The following PRKCH variants were observed in gnomAD, a reference collection of about 807,000 sequenced individuals.
PRKCH encodes the protein protein kinase C eta type.
Under a neutral mutation model 82.5 loss-of-function variants are expected in PRKCH, and 28 were observed. That is an observed-to-expected ratio of 0.34 (90% confidence interval 0.25 to 0.47). The LOEUF (loss-of-function observed/expected upper bound fraction) is 0.47. PRKCH is among the 20% of genes least tolerant of loss of function. The pLI is 1.00. For synonymous variants in PRKCH, 322 were observed against 327.4 expected, an observed-to-expected ratio of 0.98 and a Z score of 0.18; for missense variants, 705 against 881.8, an observed-to-expected ratio of 0.80 and a Z score of 2.54.
At chr14:61,399,822 T>G (rs1881501421) in intron 2 of PRKCH, among the ~76,000 whole-genome samples, 1 of 152,130 alleles carries the variant, frequency 6.6e-6, no homozygotes, top group African/African-American at 2.4e-5. Context: ...TACAAGTTTT[T>G]GGGGAAGGAA....
chr14:61,270,316 T>A (rs1323072247), intron 1 of PRKCH, among the ~76,000 whole-genome samples: 1 of 151,914 alleles, frequency 6.6e-6, no homozygotes, highest in Non-Finnish European at 1.5e-5. Context: ...AAACATTTTT[T>A]AAAAAGAAAA....
intron 9 of PRKCH, among the ~76,000 whole-genome samples, chr14:61,464,286 T>A (rs1346322597): frequency 6.6e-6 from 1 of 152,208 alleles, no homozygotes; most frequent in Non-Finnish European, 1.5e-5. Context: ...AATATCTCAT[T>A]GTGGTTTTAA....
chr14:61,405,340 A>G (rs1437285837), intron 2 of PRKCH, among the ~76,000 whole-genome samples: 1 of 152,152 alleles, frequency 6.6e-6, no homozygotes, highest in East Asian at 1.9e-4. Flanking sequence ...CTCATCAAAA[A>G]TAAAGTCAGA....
chr14:61,206,749 G>A (rs1346034313), intron 1 of PRKCH, among the ~76,000 whole-genome samples: 2 of 152,054 alleles, frequency 1.3e-5, no homozygotes, highest in Non-Finnish European at 2.9e-5. Flanking sequence ...CAGGAGGGGA[G>A]CAATGGGGAG....
chr14:61,533,563 G>A (rs1020324432), intron 12 of PRKCH, among the ~76,000 whole-genome samples: 9 of 152,228 alleles, frequency 5.9e-5, no homozygotes, highest in South Asian at 2.1e-4. Flanking sequence ...GAGCTGCCTG[G>A]GGGCAGATCT....
chr14:61,280,998 G>A lies in PRKCH; in HGVS notation c.-19+93330G>A. 1 of 1,540,424 alleles carries A rather than the reference G, an allele frequency of 6.5e-7. No individual in the cohort carries two copies. Among genetic ancestry groups the A allele is most frequent in the South Asian group, 1.2e-5 (1 of 83,226 alleles). On this transcript the variant is annotated intron_variant, in intron 1 of 3. Coordinates refer to the PRKCH transcript ENST00000555185. The surrounding 1 kb of genome is among the most constrained non-coding windows in gnomAD (Gnocchi z 5.0). Reference sequence around the variant, plus strand: ...CGTTGGAGGAGTAGTAGAGGCCCAGGCCCAGGCCGATGAAGGCCAGGCCCG... The same window carrying A: ...CGTTGGAGGAGTAGTAGAGGCCCAGACCCAGGCCGATGAAGGCCAGGCCCG...
chr14:61,391,398 A>C, intron 2 of PRKCH, 110 bp downstream of exon 2: 1 of 950,522 alleles, frequency 1.1e-6, no homozygotes, highest in Non-Finnish European at 1.5e-6. Context: ...AGAGATGCTT[A>C]AAAAATCACT....
At chr14:61,450,099 T>C (rs1183918321) in intron 5 of PRKCH, among the ~76,000 whole-genome samples, 1 of 152,182 alleles carries the variant, frequency 6.6e-6, no homozygotes, top group African/African-American at 2.4e-5. Context: ...AGTACACATA[T>C]AGGATTGCTA....
chr14:61,310,354 T>C (rs1029108242), intron 1 of PRKCH, among the ~76,000 whole-genome samples: 1 of 152,206 alleles, frequency 6.6e-6, no homozygotes, highest in Non-Finnish European at 1.5e-5. Flanking sequence ...AGGCATTCGG[T>C]AAGTACACCC....
intron 10 of PRKCH, among the ~76,000 whole-genome samples, chr14:61,494,337 GAGTA>G (rs889061716): frequency 1.7e-4 from 26 of 152,326 alleles, no homozygotes; most frequent in African/African-American, 6.3e-4. Context: ...TCATCATTTA[GAGTA>G]AGTATCCCCA....
At chr14:61,227,023 A>G (rs1351205373) in intron 1 of PRKCH, among the ~76,000 whole-genome samples, 1 of 152,190 alleles carries the variant, frequency 6.6e-6, no homozygotes, top group African/African-American at 2.4e-5. Flanking sequence ...GTCGCCATTA[A>G]CCACCTAAAT....
chr14:61,279,849 C>T (rs577394223), intron 1 of PRKCH: 4 of 522,376 alleles, frequency 7.7e-6, no homozygotes, highest in African/African-American at 1.9e-5. Flanking sequence ...AACTCAGTGT[C>T]GTGAAGGAGG....
intron 1 of PRKCH, among the ~76,000 whole-genome samples, chr14:61,204,763 G>GAAA (rs67978354): frequency 5.6e-5 from 6 of 106,220 alleles, no homozygotes; most frequent in East Asian, 2.6e-4. Context: ...CCTTTCTCAA[G>GAAA]AAAAAAAAAA....
In PRKCH at chr14:61,238,232, T is replaced by A. The variant is rs371627031; in HGVS notation, c.-19+50564T>A. 9.2e-5 allele frequency among the ~76,000 whole-genome samples: 14 copies of A among 152,280 alleles called. No homozygotes were observed. In the East Asian group the frequency reaches 1.7e-3, roughly 19 times the overall value. On this transcript the variant is annotated intron_variant, in intron 1 of 3. Transcript: ENST00000555185. ...AGACAGGTTTTGAAATCACAGTACA[T>A]TGGGTTCCTGTGTCAAGGAGCCCTG... is the stretch of plus-strand genomic sequence containing the variant.
chr14:61,472,315 C>T (rs754259552), intron 9 of PRKCH, among the ~76,000 whole-genome samples: 13 of 152,344 alleles, frequency 8.5e-5, no homozygotes, highest in Non-Finnish European at 1.6e-4. Context: ...TTAATAATTA[C>T]ACTTTCACTT....
chr14:61,334,102 C>G (rs932202262), intron 1 of PRKCH, among the ~76,000 whole-genome samples: 1 of 152,176 alleles, frequency 6.6e-6, no homozygotes, highest in Non-Finnish European at 1.5e-5. Context: ...GAGAATCCAG[C>G]TCTCTAGACT....
chr14:61,399,409 A>G (rs1341543536), intron 2 of PRKCH, among the ~76,000 whole-genome samples: 2 of 152,200 alleles, frequency 1.3e-5, no homozygotes, highest in Non-Finnish European at 1.5e-5. Flanking sequence ...TTTAATGTAT[A>G]TGTTTTATCC....
At chr14:61,490,719 G>A (rs931662789) in intron 10 of PRKCH, among the ~76,000 whole-genome samples, 4 of 152,172 alleles carry the variant, frequency 2.6e-5, no homozygotes, top group Admixed American at 6.5e-5. Context: ...TTCAAGACCA[G>A]CGTAGGCAAC....
At position 61,390,950 on chromosome 14, in the gene PRKCH, A is replaced by T. The variant is rs138103231; in HGVS notation, c.364-275A>T. On this transcript the variant is annotated intron_variant, in intron 1 of 13. Transcript: ENST00000332981. ...GAGGTCTCAAAAACAATTACCAAGT[A>T]TGTGGATGTGCCTGTCTATATTATG... 73 of 318,572 alleles carry T rather than the reference A, an allele frequency of 2.3e-4. 1 individual carries two copies. The East Asian group carries it at 5.5e-3, about 24-fold the overall frequency. 19.7% of individuals were successfully genotyped at this position (318,572 alleles called of 1,614,324 possible).
Sources: gnomAD v4.1 joint callset for allele counts (sites outside exome capture counted in the v4.1 genomes callset) on GRCh38, gnomAD v4.1.1 for gene constraint, Gnocchi (gnomAD v3.1) non-coding constraint, MANE v1.5 for transcripts, NCBI Gene and HGNC (gene_info 2026-07-23, HGNC 2026-07-21) for gene names.